CADM2: variants seen among roughly 807,000 people sequenced by gnomAD.
CADM2 encodes the protein cell adhesion molecule 2.
CADM2 carries 12 observed loss-of-function variants against 49.8 expected under a neutral mutation model. That is an observed-to-expected ratio of 0.24 (90% confidence interval 0.15 to 0.39). The LOEUF is 0.39. Ranked by LOEUF, CADM2 falls within the 10% of genes least tolerant of loss-of-function variation. The probability of loss-of-function intolerance (pLI) is 1.00; values close to 1 mark genes in which losing one functional copy is unlikely to be tolerated. For missense variants in CADM2, 378 were observed against 492.3 expected (o/e 0.77, Z 2.20); for synonymous variants, 214 against 175.4 (o/e 1.22, Z -1.74).
chr3:85,515,331 A>G (rs1343460136), intron 1 of CADM2, among the ~76,000 whole-genome samples: 1 of 151,920 alleles, frequency 6.6e-6, no homozygotes, highest in Non-Finnish European at 1.5e-5. Flanking sequence ...CGAAGATAAC[A>G]CCATCTTTTT....
At chr3:85,624,092 A>C (rs977258002) in intron 1 of CADM2, among the ~76,000 whole-genome samples, 1 of 152,152 alleles carries the variant, frequency 6.6e-6, no homozygotes, top group Non-Finnish European at 1.5e-5. Context: ...GGCATATTTA[A>C]AAACATTAAA....
At chr3:85,668,543 C>T (rs1364742365) in intron 1 of CADM2, among the ~76,000 whole-genome samples, 1 of 151,996 alleles carries the variant, frequency 6.6e-6, no homozygotes, top group Non-Finnish European at 1.5e-5. Context: ...TGTGTCTTTT[C>T]CATGCTGTTC....
At chr3:86,006,344 T>A (rs570529155) in intron 8 of CADM2, among the ~76,000 whole-genome samples, 3 of 152,174 alleles carry the variant, frequency 2.0e-5, no homozygotes, top group Admixed American at 6.5e-5. Flanking sequence ...ATAGTCAACA[T>A]GATGGCAGGA....
intron 1 of CADM2, among the ~76,000 whole-genome samples, chr3:85,277,478 A>G (rs999328512): frequency 6.6e-6 from 1 of 151,396 alleles, no homozygotes; most frequent in Admixed American, 6.6e-5. Context: ...TCTAATCATA[A>G]CTTCTCACTC....
At chr3:85,522,608 C>T (rs1245679683) in intron 1 of CADM2, among the ~76,000 whole-genome samples, 1 of 152,004 alleles carries the variant, frequency 6.6e-6, no homozygotes, top group Non-Finnish European at 1.5e-5. Flanking sequence ...GAAACAGGTT[C>T]ATAGAACACA....
chr3:85,842,061 T>G (rs756185647), intron 3 of CADM2, among the ~76,000 whole-genome samples: 10 of 152,150 alleles, frequency 6.6e-5, no homozygotes, highest in Non-Finnish European at 1.3e-4. Context: ...ATTATTTGCT[T>G]TAATGCATAA....
intron 1 of CADM2, among the ~76,000 whole-genome samples, chr3:85,497,554 A>G (rs1055778413): frequency 2.6e-5 from 4 of 152,188 alleles, no homozygotes; most frequent in African/African-American, 9.6e-5. Flanking sequence ...AACAAAACAG[A>G]TTGTTTAAAA....
At chr3:85,019,458 G>A (rs1177343903) in intron 1 of CADM2, among the ~76,000 whole-genome samples, 1 of 152,140 alleles carries the variant, frequency 6.6e-6, no homozygotes, top group Non-Finnish European at 1.5e-5. Context: ...ACTCTCACCT[G>A]GTTGACAGAG....
In CADM2 at chr3:85,983,735, A is replaced by G. The variant is rs542885079; in HGVS notation, c.970+22088A>G. Among the ~76,000 whole-genome samples, 3 of 151,776 alleles carry G rather than the reference A, an allele frequency of 2.0e-5. No homozygotes were observed. The East Asian group carries it at 5.8e-4, about 29-fold the overall frequency. On this transcript the variant is annotated intron_variant, in intron 8 of 9. Coordinates refer to ENST00000383699, the MANE Select transcript of CADM2 (RefSeq NM_001167675.2). ...CTATTTTTTTGATTGTATGAAACAA[A>G]CATTAGATGAAAATTATACTAGAGC...
intron 1 of CADM2, among the ~76,000 whole-genome samples, chr3:85,297,902 T>C (rs2044005674): frequency 6.6e-6 from 1 of 151,998 alleles, no homozygotes; most frequent in Admixed American, 6.6e-5. Context: ...ACCACTAGAC[T>C]ATAGGAATCA....
At chr3:85,483,215 C>T (rs2039282571) in intron 1 of CADM2, among the ~76,000 whole-genome samples, 1 of 151,450 alleles carries the variant, frequency 6.6e-6, no homozygotes, top group Non-Finnish European at 1.5e-5. Context: ...AGAATTTGTA[C>T]ATCATCAGAA....
chr3:84,962,607 A>C (rs987603650), intron 1 of CADM2, among the ~76,000 whole-genome samples: 2 of 152,084 alleles, frequency 1.3e-5, no homozygotes, highest in Non-Finnish European at 2.9e-5. Context: ...GTGGCGGGGG[A>C]ACTAGTGAGC....
At chr3:85,754,275 G>T (rs1320256609) in intron 2 of CADM2, among the ~76,000 whole-genome samples, 2 of 152,130 alleles carry the variant, frequency 1.3e-5, no homozygotes, top group African/African-American at 4.8e-5. Context: ...TTGGGAGACT[G>T]CCATTCCCTG....
intron 2 of CADM2, among the ~76,000 whole-genome samples, chr3:85,748,497 C>G (rs545654841): frequency 6.6e-6 from 1 of 152,180 alleles, no homozygotes; most frequent in South Asian, 2.1e-4. Flanking sequence ...TCTACTTCAG[C>G]TGAACGCTCA....
chr3:86,007,082 A>C (rs1310277739), intron 8 of CADM2, among the ~76,000 whole-genome samples: 1 of 151,564 alleles, frequency 6.6e-6, no homozygotes, highest in African/African-American at 2.4e-5. Flanking sequence ...TAACAAACCT[A>C]TTGACTATTG....
At chr3:85,054,052 C>T (rs1576123374) in intron 1 of CADM2, among the ~76,000 whole-genome samples, 1 of 151,814 alleles carries the variant, frequency 6.6e-6, no homozygotes, top group African/African-American at 2.4e-5. Flanking sequence ...GAAGTGTATC[C>T]TTAAAATTTG....
chr3:85,746,544 C>T (rs1427057958), intron 2 of CADM2, among the ~76,000 whole-genome samples: 1 of 152,068 alleles, frequency 6.6e-6, no homozygotes, highest in Non-Finnish European at 1.5e-5. Flanking sequence ...TCCTCCTTTT[C>T]TTTTTCTCTT....
intron 1 of CADM2, among the ~76,000 whole-genome samples, chr3:85,212,812 C>CCCTTTCTTTCTT (rs2041809977): frequency 9.7e-6 from 1 of 102,642 alleles, no homozygotes. Context: ...TCTTTTTCTT[C>CCCTTTCTTTCTT]TCTTTCTTTC....
At chr3:85,351,612 C>A (rs1294109687) in intron 1 of CADM2, among the ~76,000 whole-genome samples, 1 of 152,022 alleles carries the variant, frequency 6.6e-6, no homozygotes. Flanking sequence ...GAGTGTGCCT[C>A]CCAAATATGT....
Sources: allele counts gnomAD v4.1 joint callset (sites outside exome capture counted in the v4.1 genomes callset), GRCh38; gene constraint gnomAD v4.1.1; transcripts MANE v1.5; gene names NCBI Gene and HGNC (gene_info 2026-07-23, HGNC 2026-07-21).